DSG3: variants seen among roughly 807,000 people sequenced by gnomAD.
DSG3 encodes desmoglein-3.
DSG3 carries 63 observed loss-of-function variants against 85.9 expected under a neutral mutation model. The ratio of observed to expected loss-of-function variants is 0.73; its 90% CI spans 0.60 to 0.90. The LOEUF (loss-of-function observed/expected upper bound fraction) is 0.90. DSG3 is among the 40% of genes least tolerant of loss of function. The pLI is 0.00. For missense variants in DSG3, 1,220 were observed against 1,219.9 expected (o/e 1.00, Z 0.00); for synonymous variants, 447 against 441.9 (o/e 1.01, Z -0.14).
chr18:31,459,068 T>G lies in DSG3; in HGVS notation c.408T>G (p.Asp136Glu), dbSNP rs775812671. ...GGGCTCTAAATGCCCAAGGACTAGA[T>G]GTAGAGAAACCACTTATACTAACGG... ...TCRALNAQGL[D>E]VEKPLILTVK... Residue 136 changes from aspartate (D) to glutamate (E), a missense_variant, in exon 5 of 16, where the codon GAT becomes GAG. Physicochemically the swap from Asp to Glu is conservative, Grantham distance 45. Coordinates refer to ENST00000257189, the MANE Select transcript of DSG3 (RefSeq NM_001944.3). 6 of 1,613,746 alleles carry G rather than the reference T, an allele frequency of 3.7e-6. No homozygotes were observed. Among genetic ancestry groups the G allele is most frequent in the Admixed American group, 1.7e-5 (1 of 59,948 alleles).
chr18:31,463,046 G>C lies in DSG3; in HGVS notation c.1000-1065G>C, dbSNP rs572210801. ...CTCAGGTGACTCTACAGTCAGCCAG[G>C]GTTGCTAGCTCCTAGCCCTTTAAGA... On this transcript the variant is annotated intron_variant, in intron 8 of 15. Transcript: ENST00000257189. Among the ~76,000 whole-genome samples, 15 of 152,208 alleles carry C rather than the reference G, an allele frequency of 9.9e-5. 1 individual carries two copies. In the East Asian group the frequency reaches 2.5e-3, roughly 26 times the overall value.
chr18:31,457,588 C>T (rs867752323), intron 3 of DSG3, among the ~76,000 whole-genome samples: 365 of 35,274 alleles, frequency 0.01, 1 homozygote, highest in Non-Finnish European at 0.016. Context: ...TTTCTTTCTT[C>T]TTTCTTTCTT....
intron 1 of DSG3, among the ~76,000 whole-genome samples, chr18:31,449,467 T>TGGC (rs2072698361): frequency 2.0e-5 from 3 of 151,616 alleles, no homozygotes; most frequent in Non-Finnish European, 2.9e-5. Flanking sequence ...CTAAGGGGGA[T>TGGC]TCTTTTTTTT....
At position 31,458,551 on chromosome 18, in the gene DSG3, A is replaced by G; in HGVS notation, c.323A>G (p.Asp108Gly). Residue 108 changes from aspartate to glycine, a missense_variant, in exon 4 of 16, where the codon GAT becomes GGT. By Grantham distance (94) the Asp-to-Gly change is moderately conservative (BLOSUM62 -1). Transcript: ENST00000257189. ...GIFVVDKNTG[D>G]INITAIVDRE... is the part of the protein sequence containing the mutation. ...TTTGTTGTTGACAAAAACACTGGAG[A>G]TATTAACATAACAGCTATAGTCGAC... 6.2e-7 allele frequency: 1 copy of G among 1,614,036 alleles called. No individual in the cohort carries two copies. Among genetic ancestry groups the G allele is most frequent in the African/African-American group, 1.3e-5 (1 of 75,026 alleles).
chr18:31,463,115 T>C (rs2072796252), intron 8 of DSG3, among the ~76,000 whole-genome samples: 1 of 152,220 alleles, frequency 6.6e-6, no homozygotes, highest in African/African-American at 2.4e-5. Flanking sequence ...AGCCTGCAAC[T>C]GCTTTCACCT....
intron 14 of DSG3, among the ~76,000 whole-genome samples, chr18:31,473,601 A>G (rs1330321493): frequency 6.6e-6 from 1 of 152,238 alleles, no homozygotes; most frequent in Non-Finnish European, 1.5e-5. Flanking sequence ...AGAGCTATGT[A>G]AAGAATTATC....
intron 1 of DSG3, among the ~76,000 whole-genome samples, chr18:31,455,701 A>C (rs913211322): frequency 2.0e-5 from 3 of 152,194 alleles, no homozygotes; most frequent in Non-Finnish European, 4.4e-5. Context: ...ACACAGATGA[A>C]TGTCTCATAT....
Position 31,464,312 on chromosome 18 carries a change from T to A in DSG3, c.1201T>A (p.Leu401Met), listed in dbSNP as rs1225271404. The A allele has an allele frequency of 1.2e-6, 2 of 1,614,100 alleles. No individual in the cohort carries two copies. The highest frequency in any genetic ancestry group is 1.3e-5 in the African/African-American group (1 of 75,040). Residue 401 changes from leucine (L) to methionine (M), a missense_variant, in exon 9 of 16, where the codon TTG becomes ATG. Leu to Met is a conservative substitution (Grantham distance 15, BLOSUM62 2). Transcript: ENST00000257189. ...GCAAAAAGGCATAAGTAGCAAAAAA[T>A]TGGTGGATTATATCCTGGGAACATA... ...TVQKGISSKKLVDYILGTYQA... is the reference protein window; with the variant it reads ...TVQKGISSKKMVDYILGTYQA...
chr18:31,462,014 C>T (rs73414206), intron 8 of DSG3, among the ~76,000 whole-genome samples: 6,092 of 151,816 alleles, frequency 0.04, 405 homozygotes, highest in African/African-American at 0.14. Flanking sequence ...TTTGGTTTTT[C>T]GTTTGGTTGG....
At chr18:31,458,367 T>C (rs2072762132) in intron 3 of DSG3, 78 bp from the exon 4 acceptor site, 2 of 1,460,646 alleles carry the variant, frequency 1.4e-6, no homozygotes, top group Admixed American at 1.9e-5. Context: ...CAGATGACTT[T>C]AGACTATGGA....
intron 5 of DSG3, 107 bp downstream of exon 5, chr18:31,459,284 G>A: frequency 5.4e-6 from 6 of 1,111,876 alleles, no homozygotes; most frequent in Non-Finnish European, 7.5e-6. Context: ...AGTTTAATCA[G>A]TAGTTTTGAA....
At position 31,472,395 on chromosome 18, in the gene DSG3, G is replaced by A. The variant is rs1243605673; in HGVS notation, c.2009G>A (p.Gly670Glu). ...DGSEGTIHQW[G>E]IEGAHPEDKE... is the part of the protein sequence containing the mutation. ...TCAGAAGGAACAATTCATCAGTGGG[G>A]AATTGAAGGAGCCCATCCTGAAGAC... Residue 670 changes from glycine to glutamate, a missense_variant, in exon 13 of 16, where the codon GGA becomes GAA. Gly to Glu is a moderately conservative substitution (Grantham distance 98). Coordinates refer to ENST00000257189, the MANE Select transcript of DSG3 (RefSeq NM_001944.3). The A allele has an allele frequency of 1.2e-6, 2 of 1,613,950 alleles. No individual in the cohort carries two copies. The highest frequency in any genetic ancestry group is 2.2e-5 in the East Asian group (1 of 44,870).
Position 31,475,644 on chromosome 18 carries a change from A to G in DSG3, c.2386-2A>G. 1 of 1,612,094 alleles carries G rather than the reference A, an allele frequency of 6.2e-7. No individual in the cohort carries two copies. On this transcript the variant is annotated splice_acceptor_variant, in intron 15 of 15. Coordinates refer to ENST00000257189, the MANE Select transcript of DSG3 (RefSeq NM_001944.3). LOFTEE classifies it high-confidence loss of function. ...TTTTTTCCCACTTTTTCTCTGTCTTAGAAAGCATTTGCCTGTGCGGAGGAA... is the reference window on the plus strand; with the variant it reads ...TTTTTTCCCACTTTTTCTCTGTCTTGGAAAGCATTTGCCTGTGCGGAGGAA...
chr18:31,458,307 T>C (rs2072761819), intron 3 of DSG3, 138 bp from the exon 4 acceptor site: 1 of 943,386 alleles, frequency 1.1e-6, no homozygotes, highest in Non-Finnish European at 1.6e-6. Context: ...CTAGTATCTA[T>C]CAAGGCAAAA....
chr18:31,468,967 G>T, intron 11 of DSG3, 122 bp from the exon 12 acceptor site: 1 of 1,403,210 alleles, frequency 7.1e-7, no homozygotes. Context: ...CTTCAAAACT[G>T]TGAGAAATAA....
intron 3 of DSG3, among the ~76,000 whole-genome samples, chr18:31,457,585 C>CTTCTTTCTTTCT (rs11369657): frequency 3.6e-4 from 22 of 61,212 alleles, no homozygotes; most frequent in African/African-American, 8.5e-4. Flanking sequence ...TTCTTTCTTT[C>CTTCTTTCTTTCT]TTCTTTCTTT....
intron 15 of DSG3, 78 bp from the exon 16 acceptor site, chr18:31,475,568 G>A: frequency 6.6e-7 from 1 of 1,507,756 alleles, no homozygotes. Flanking sequence ...TAATCCAAAT[G>A]AGTTCTACAA....
intron 8 of DSG3, among the ~76,000 whole-genome samples, chr18:31,462,395 A>G (rs1173700758): frequency 6.6e-6 from 1 of 152,166 alleles, no homozygotes; most frequent in East Asian, 1.9e-4. Flanking sequence ...TTTGGATTCT[A>G]TGAGAGCGTC....
intron 9 of DSG3, 121 bp from the exon 10 acceptor site, chr18:31,465,197 C>A: frequency 1.6e-6 from 1 of 641,294 alleles, no homozygotes; most frequent in South Asian, 7.8e-5. Context: ...TTTATAAAAG[C>A]ATATTTCAAT....
Sources: allele counts gnomAD v4.1 joint callset (sites outside exome capture counted in the v4.1 genomes callset), GRCh38; gene constraint gnomAD v4.1.1; transcripts MANE v1.5; gene names NCBI Gene and HGNC (gene_info 2026-07-23, HGNC 2026-07-21).